The following CFAP299 variants were observed in gnomAD, a reference collection of about 807,000 sequenced individuals.
CFAP299 encodes cilia and flagella associated protein 299.
Under a neutral mutation model 27.0 loss-of-function variants are expected in CFAP299, and 21 were observed. The ratio of observed to expected loss-of-function variants is 0.78; its 90% CI spans 0.55 to 1.12. The LOEUF (loss-of-function observed/expected upper bound fraction) is 1.12, where lower values mean the gene tolerates loss of function less well. Ranked by LOEUF, CFAP299 falls within the 50% of genes most tolerant of loss-of-function variation. The pLI, the probability that CFAP299 is intolerant of heterozygous loss-of-function variation, is 0.00. For missense variants in CFAP299, 310 were observed against 276.6 expected (o/e 1.12, Z -0.86); for synonymous variants, 104 against 98.1 (o/e 1.06, Z -0.36).
chr4:80,538,872 C>G (rs1733871260), intron 2 of CFAP299, among the ~76,000 whole-genome samples: 1 of 152,122 alleles, frequency 6.6e-6, no homozygotes, highest in Non-Finnish European at 1.5e-5. Flanking sequence ...TAAAAGAATG[C>G]TACATCTTCC....
At chr4:80,588,013 A>G (rs1251606768) in intron 3 of CFAP299, among the ~76,000 whole-genome samples, 1 of 151,290 alleles carries the variant, frequency 6.6e-6, no homozygotes, top group Admixed American at 6.6e-5. Flanking sequence ...TGATGGAAGC[A>G]TGATACTATA....
chr4:80,441,504 C>T (rs1246258837), intron 2 of CFAP299, among the ~76,000 whole-genome samples: 2 of 152,162 alleles, frequency 1.3e-5, no homozygotes, highest in Non-Finnish European at 2.9e-5. Flanking sequence ...CAAACAAATG[C>T]TGAGAGATTT....
chr4:80,543,333 T>C (rs986034436), intron 2 of CFAP299, among the ~76,000 whole-genome samples: 8 of 152,008 alleles, frequency 5.3e-5, no homozygotes, highest in African/African-American at 1.9e-4. Flanking sequence ...TTATACCAGC[T>C]CCCCAGCAAT....
In CFAP299 at chr4:80,863,111, G is replaced by T. The variant is rs73829168; in HGVS notation, c.334-6882G>T. On this transcript the variant is annotated intron_variant, in intron 3 of 5. Transcript: ENST00000358105. Reference sequence around the variant, plus strand: ...GAGCACACTGACAGTCTGCTCTCTGGGTAACACAAGAACTTAGCTTTGTTT... The same window carrying T: ...GAGCACACTGACAGTCTGCTCTCTGTGTAACACAAGAACTTAGCTTTGTTT... Among the ~76,000 whole-genome samples, 1,209 of 151,820 alleles carry T rather than the reference G, an allele frequency of 8.0e-3. 10 individuals carry two copies. Among genetic ancestry groups the T allele is most frequent in the African/African-American group, 0.028 (1,147 of 41,392 alleles).
chr4:80,339,271 A>G (rs968610085), intron 1 of CFAP299, among the ~76,000 whole-genome samples: 2 of 152,186 alleles, frequency 1.3e-5, no homozygotes, highest in Non-Finnish European at 2.9e-5. Flanking sequence ...TCACGATCCC[A>G]TGTTGGTTTC....
chr4:80,905,191 G>A (rs1735121154), intron 4 of CFAP299, among the ~76,000 whole-genome samples: 1 of 152,306 alleles, frequency 6.6e-6, no homozygotes, highest in South Asian at 2.1e-4. Flanking sequence ...ATACTCTTCT[G>A]CTGCAATTAA....
intron 3 of CFAP299, among the ~76,000 whole-genome samples, chr4:80,863,301 T>C (rs911104291): frequency 6.6e-6 from 1 of 151,158 alleles, no homozygotes; most frequent in African/African-American, 2.4e-5. Context: ...GCAAGAAAAA[T>C]CAGGCAACAC....
intron 3 of CFAP299, among the ~76,000 whole-genome samples, chr4:80,716,286 T>C (rs1031365737): frequency 7.2e-5 from 11 of 151,908 alleles, no homozygotes; most frequent in African/African-American, 2.7e-4. Context: ...ACGTAGTATT[T>C]TCACTTTGCA....
chr4:80,527,180 GTGCTCCTC>G (rs1733234665), intron 2 of CFAP299, among the ~76,000 whole-genome samples: 1 of 152,080 alleles, frequency 6.6e-6, no homozygotes. Context: ...GTTCTGAAAT[GTGCTCCTC>G]AGTACCAAAA....
At chr4:80,644,026 G>T (rs1739859894) in intron 3 of CFAP299, among the ~76,000 whole-genome samples, 1 of 152,098 alleles carries the variant, frequency 6.6e-6, no homozygotes, top group African/African-American at 2.4e-5. Flanking sequence ...CAAAGTAGTT[G>T]AATGCATCAT....
chr4:80,668,082 G>C (rs1577995068), intron 3 of CFAP299, among the ~76,000 whole-genome samples: 1 of 151,806 alleles, frequency 6.6e-6, no homozygotes, highest in South Asian at 2.1e-4. Context: ...GTGATGTTGA[G>C]CTTTTTATCT....
chr4:80,892,543 G>A (rs1734361427), intron 4 of CFAP299, among the ~76,000 whole-genome samples: 1 of 152,022 alleles, frequency 6.6e-6, no homozygotes, highest in Non-Finnish European at 1.5e-5. Flanking sequence ...GCACAGCAAA[G>A]TAAACAATCA....
At chr4:80,474,613 G>A (rs1023312641) in intron 2 of CFAP299, among the ~76,000 whole-genome samples, 3 of 152,124 alleles carry the variant, frequency 2.0e-5, no homozygotes, top group Non-Finnish European at 2.9e-5. Context: ...GATGGGTAAG[G>A]TTAGAAATAT....
intron 3 of CFAP299, among the ~76,000 whole-genome samples, chr4:80,866,059 T>TTTTATATATA (rs886156357): frequency 3.9e-4 from 23 of 58,384 alleles, no homozygotes; most frequent in East Asian, 1.1e-3. Flanking sequence ...ACTTAAAGTA[T>TTTTATATATA]TATATATATA....
chr4:80,960,841 A>G (rs1738309836), intron 5 of CFAP299, among the ~76,000 whole-genome samples: 3 of 151,898 alleles, frequency 2.0e-5, no homozygotes, highest in African/African-American at 7.2e-5. Flanking sequence ...AGCCACACAC[A>G]TACCTTTTTA....
chr4:80,641,941 C>T (rs1367368871), intron 3 of CFAP299, among the ~76,000 whole-genome samples: 3 of 152,154 alleles, frequency 2.0e-5, no homozygotes, highest in East Asian at 1.9e-4. Context: ...TCTGTAAAAT[C>T]GGTGACACTG....
intron 3 of CFAP299, among the ~76,000 whole-genome samples, chr4:80,704,271 G>C (rs982752193): frequency 1.3e-5 from 2 of 151,596 alleles, no homozygotes; most frequent in Non-Finnish European, 3.0e-5. Flanking sequence ...TAAAGATGGG[G>C]AAAAGTCGAA....
intron 3 of CFAP299, among the ~76,000 whole-genome samples, chr4:80,790,680 G>T (rs1294367265): frequency 6.6e-6 from 1 of 151,942 alleles, no homozygotes. Flanking sequence ...TGGAATTCCA[G>T]CCCCTAGAAC....
At chr4:80,395,865 A>T (rs1725752305) in intron 2 of CFAP299, among the ~76,000 whole-genome samples, 1 of 152,184 alleles carries the variant, frequency 6.6e-6, no homozygotes, top group South Asian at 2.1e-4. Flanking sequence ...TTATTCCTTC[A>T]GTTACTGGTG....
Sources: allele counts gnomAD v4.1 joint callset (sites outside exome capture counted in the v4.1 genomes callset), GRCh38; gene constraint gnomAD v4.1.1; transcripts MANE v1.5; gene names NCBI Gene and HGNC (gene_info 2026-07-23, HGNC 2026-07-21).